Variants in LRRTM4 observed in about 807,000 individuals in gnomAD.
The protein encoded by LRRTM4 is leucine rich repeat transmembrane neuronal 4, also known as leucine-rich repeat transmembrane neuronal protein 4.
LRRTM4 carries 25 observed loss-of-function variants against 47.6 expected under a neutral mutation model. That is an observed-to-expected ratio of 0.53 (90% CI 0.38 to 0.73). The LOEUF (loss-of-function observed/expected upper bound fraction) is 0.73, where lower values mean the gene tolerates loss of function less well. Among genes scored for constraint, LRRTM4 ranks in the 30% least tolerant of loss-of-function variants. The probability of loss-of-function intolerance (pLI) is 0.00; values close to 1 mark genes in which losing one functional copy is unlikely to be tolerated. For synonymous variants in LRRTM4, 311 were observed against 269.5 expected (o/e 1.15, Z -1.51); for missense variants, 638 against 713.4 (o/e 0.89, Z 1.20).
At chr2:76,945,412 C>T (rs1373597501) in intron 3 of LRRTM4, among the ~76,000 whole-genome samples, 1 of 151,910 alleles carries the variant, frequency 6.6e-6, no homozygotes, top group Non-Finnish European at 1.5e-5. Flanking sequence ...TTGAAAATGG[C>T]CCTATAAGGC....
chr2:77,323,441 C>T (rs1300153878), intron 3 of LRRTM4, among the ~76,000 whole-genome samples: 1 of 152,090 alleles, frequency 6.6e-6, no homozygotes, highest in Non-Finnish European at 1.5e-5. Flanking sequence ...GGAGTCCACC[C>T]TACGTTTGAA....
chr2:76,933,968 T>C (rs1674856608), intron 3 of LRRTM4, among the ~76,000 whole-genome samples: 1 of 152,254 alleles, frequency 6.6e-6, no homozygotes. Flanking sequence ...GTCTGTCCTA[T>C]TCAGATACAC....
intron 3 of LRRTM4, among the ~76,000 whole-genome samples, chr2:77,460,457 G>T (rs1456552315): frequency 6.6e-6 from 1 of 152,062 alleles, no homozygotes; most frequent in Non-Finnish European, 1.5e-5. Flanking sequence ...GGATGACAAT[G>T]AATATCTTTT....
At chr2:76,967,460 T>A (rs1232512406) in intron 3 of LRRTM4, among the ~76,000 whole-genome samples, 1 of 151,570 alleles carries the variant, frequency 6.6e-6, no homozygotes, top group Non-Finnish European at 1.5e-5. Flanking sequence ...CACTCAGTGA[T>A]CCTCCTCCCA....
chr2:76,976,170 ATGT>A (rs1676412001), intron 3 of LRRTM4, among the ~76,000 whole-genome samples: 1 of 151,796 alleles, frequency 6.6e-6, no homozygotes, highest in African/African-American at 2.4e-5. Context: ...TGTATAAGCA[ATGT>A]TGTTACCAAA....
chr2:76,801,444 C>T (rs1433349060), intron 3 of LRRTM4, among the ~76,000 whole-genome samples: 1 of 151,894 alleles, frequency 6.6e-6, no homozygotes, highest in South Asian at 2.1e-4. Context: ...TATTCTCACT[C>T]ATAGGTGGGA....
chr2:77,201,845 T>A (rs1673984352), intron 3 of LRRTM4, among the ~76,000 whole-genome samples: 1 of 152,140 alleles, frequency 6.6e-6, no homozygotes, highest in African/African-American at 2.4e-5. Context: ...ATCAAATTTC[T>A]AAATGTGATT....
At chr2:76,951,156 G>A (rs894816024) in intron 3 of LRRTM4, among the ~76,000 whole-genome samples, 3 of 151,964 alleles carry the variant, frequency 2.0e-5, no homozygotes, top group African/African-American at 7.2e-5. Context: ...TATAAGTCTT[G>A]TTCTAAATTT....
In LRRTM4 at chr2:77,249,308, C is replaced by G. The variant is rs181013264; in HGVS notation, c.1551+269010G>C. Among the ~76,000 whole-genome samples the G allele has an allele frequency of 8.6e-5, 13 of 152,004 alleles. No homozygotes were observed. In the East Asian group the frequency reaches 2.5e-3, roughly 29 times the overall value. ...GAGGTTGCAGTGAGCCGATATTACG[C>G]CATTACACTCCAGCCTGGGTGACAA... On this transcript the variant is annotated intron_variant, in intron 3 of 3. Transcript: ENST00000409884.
At chr2:77,289,034 C>A (rs1017563659) in intron 3 of LRRTM4, among the ~76,000 whole-genome samples, 1 of 152,060 alleles carries the variant, frequency 6.6e-6, no homozygotes, top group Non-Finnish European at 1.5e-5. Flanking sequence ...TATATAAATA[C>A]ACTTATAATA....
At chr2:77,188,206 C>T (rs372470066) in intron 3 of LRRTM4, among the ~76,000 whole-genome samples, 1 of 152,088 alleles carries the variant, frequency 6.6e-6, no homozygotes, top group Non-Finnish European at 1.5e-5. Context: ...GTCTAAGGCT[C>T]ATTCCTTCTT....
In LRRTM4 at chr2:77,402,299, C is replaced by A. The variant is rs1436023174; in HGVS notation, c.1551+116019G>T. ...GGGCTAGTAATACAGGTGTGTGCCA[C>A]CATACCTGATTGGTTTTTGAAAATT... On this transcript the variant is annotated intron_variant, in intron 3 of 3. Coordinates refer to ENST00000409884, the MANE Select transcript of LRRTM4 (RefSeq NM_001134745.3). 4.6e-5 allele frequency among the ~76,000 whole-genome samples: 7 copies of A among 151,862 alleles called. 1 individual carries two copies.
At chr2:77,423,615 C>A (rs1674989190) in intron 3 of LRRTM4, among the ~76,000 whole-genome samples, 1 of 152,132 alleles carries the variant, frequency 6.6e-6, no homozygotes, top group African/African-American at 2.4e-5. Flanking sequence ...AGCACCATAT[C>A]TGAGGGCCAG....
intron 3 of LRRTM4, among the ~76,000 whole-genome samples, chr2:77,223,306 G>A (rs151161273): frequency 1.6e-3 from 244 of 152,222 alleles, no homozygotes; most frequent in African/African-American, 5.7e-3. Context: ...CACAAGACAG[G>A]GATGGCCTCT....
intron 3 of LRRTM4, among the ~76,000 whole-genome samples, chr2:76,913,248 A>G (rs756395660): frequency 5.9e-5 from 9 of 152,128 alleles, no homozygotes; most frequent in Non-Finnish European, 1.3e-4. Context: ...TAGAAACACG[A>G]AAATTTAGCA....
At chr2:76,878,655 G>A (rs985137199) in intron 3 of LRRTM4, among the ~76,000 whole-genome samples, 2 of 152,094 alleles carry the variant, frequency 1.3e-5, no homozygotes, top group African/African-American at 2.4e-5. Context: ...GATCACCTGA[G>A]GTCAGGTGTT....
At chr2:77,224,693 A>G (rs567148769) in intron 3 of LRRTM4, among the ~76,000 whole-genome samples, 9 of 152,274 alleles carry the variant, frequency 5.9e-5, no homozygotes, top group African/African-American at 9.6e-5. Context: ...AATGGCAATC[A>G]TTAAAAAGTC....
chr2:77,476,068 C>A (rs111472394), intron 3 of LRRTM4, among the ~76,000 whole-genome samples: 1 of 151,914 alleles, frequency 6.6e-6, no homozygotes, highest in African/African-American at 2.4e-5. Context: ...TTAATACTGA[C>A]GTTTTCTGAT....
At chr2:77,042,197 C>T (rs143665573) in intron 3 of LRRTM4, among the ~76,000 whole-genome samples, 1,670 of 151,282 alleles carry the variant, frequency 0.011, 41 homozygotes, top group African/African-American at 0.038. Flanking sequence ...ATAAGAATGT[C>T]CTTGTTTTTT....
Sources: gnomAD v4.1 joint callset for allele counts (sites outside exome capture counted in the v4.1 genomes callset) on GRCh38, gnomAD v4.1.1 for gene constraint, MANE v1.5 for transcripts, NCBI Gene and HGNC (gene_info 2026-07-23, HGNC 2026-07-21) for gene names.